Variants in CLASP1 observed in about 807,000 individuals in gnomAD.
CLASP1 encodes CLIP-associating protein 1.
In CLASP1, 38 loss-of-function variants were observed where a neutral mutation model predicts 192.3. The ratio of observed to expected loss-of-function variants is 0.20; its 90% CI spans 0.15 to 0.26. The LOEUF is 0.26. Among genes scored for constraint, CLASP1 ranks in the 10% least tolerant of loss-of-function variants. The pLI, the probability that CLASP1 is intolerant of heterozygous loss-of-function variation, is 1.00. For synonymous variants in CLASP1, 691 were observed against 712.8 expected (o/e 0.97, Z 0.49); for missense variants, 1,433 against 1,932.5 (o/e 0.74, Z 4.85).
chr2:121,616,472 C>T (rs572403810), intron 1 of CLASP1, among the ~76,000 whole-genome samples: 1 of 152,112 alleles, frequency 6.6e-6, no homozygotes, highest in African/African-American at 2.4e-5. Flanking sequence ...TAAAAATCTC[C>T]CTGGAAAACA....
intron 2 of CLASP1, among the ~76,000 whole-genome samples, chr2:121,593,298 A>G (rs1396832152): frequency 1.3e-5 from 2 of 152,148 alleles, no homozygotes; most frequent in East Asian, 1.9e-4. Flanking sequence ...AAAAATAAGG[A>G]AAGACTGACA....
chr2:121,525,357 G>T (rs1268001835), intron 6 of CLASP1, among the ~76,000 whole-genome samples: 1 of 152,116 alleles, frequency 6.6e-6, no homozygotes, highest in Admixed American at 6.5e-5. Context: ...AGTTCTTAAG[G>T]GTTCAGTTGA....
At chr2:121,515,502 CCT>C (rs2094263622) in intron 7 of CLASP1, among the ~76,000 whole-genome samples, 161 bp downstream of exon 7, 1 of 151,874 alleles carries the variant, frequency 6.6e-6, no homozygotes, top group Non-Finnish European at 1.5e-5. Flanking sequence ...GGAGCGGACC[CCT>C]GATGTATGAT....
At chr2:121,621,057 A>G (rs538924553) in intron 1 of CLASP1, among the ~76,000 whole-genome samples, 7 of 151,950 alleles carry the variant, frequency 4.6e-5, no homozygotes, top group Non-Finnish European at 7.4e-5. Context: ...GGCAAACCCT[A>G]TCTCTATAAA....
At chr2:121,598,309 G>A (rs1001251338) in intron 2 of CLASP1, among the ~76,000 whole-genome samples, 6 of 152,212 alleles carry the variant, frequency 3.9e-5, no homozygotes, top group African/African-American at 1.4e-4. Context: ...TTAGCAGTAA[G>A]CTAACAGAAT....
chr2:121,344,330 A>G (rs911058751), intron 39 of CLASP1, among the ~76,000 whole-genome samples: 2 of 145,922 alleles, frequency 1.4e-5, no homozygotes, highest in Admixed American at 6.8e-5. Flanking sequence ...TTTTTTTCTT[A>G]AAAAAAAACC....
At chr2:121,449,861 T>C (rs1381890899) in intron 16 of CLASP1, among the ~76,000 whole-genome samples, 2 of 152,166 alleles carry the variant, frequency 1.3e-5, no homozygotes, top group Non-Finnish European at 2.9e-5. Context: ...AGTAAAACCG[T>C]AACGTTGCAG....
chr2:121,634,862 A>C (rs2070499276), intron 1 of CLASP1, among the ~76,000 whole-genome samples: 1 of 152,202 alleles, frequency 6.6e-6, no homozygotes, highest in African/African-American at 2.4e-5. Context: ...GCTTCTGTCA[A>C]GCTTTTTAGA....
chr2:121,490,561 T>G (rs1307914845), intron 8 of CLASP1, among the ~76,000 whole-genome samples: 1 of 152,196 alleles, frequency 6.6e-6, no homozygotes, highest in Non-Finnish European at 1.5e-5. Flanking sequence ...TATTAAAAAT[T>G]TTTAAACCAG....
chr2:121,556,441 C>A (rs73950990), intron 2 of CLASP1, among the ~76,000 whole-genome samples: 5,765 of 152,202 alleles, frequency 0.038, 251 homozygotes, highest in South Asian at 0.1. Context: ...ATCTAGTGGT[C>A]CTGCCCGCTC....
chr2:121,523,075 G>A (rs556701897), intron 6 of CLASP1, among the ~76,000 whole-genome samples: 1 of 152,304 alleles, frequency 6.6e-6, no homozygotes, highest in Admixed American at 6.5e-5. Context: ...CCACTATAAA[G>A]GGGAAACTGA....
At chr2:121,526,422 C>G (rs963492611) in intron 5 of CLASP1, among the ~76,000 whole-genome samples, 1 of 152,224 alleles carries the variant, frequency 6.6e-6, no homozygotes, top group African/African-American at 2.4e-5. Context: ...TACTGGGGCA[C>G]ATTTGAGTTA....
exon 40 of CLASP1, chr2:121,338,279 C>T (rs112871534): frequency 0.023 from 3,531 of 152,344 alleles, 61 homozygotes; most frequent in Middle Eastern, 0.037. Flanking sequence ...GCCGCAGGTC[C>T]GGGAAGCACA....
At chr2:121,387,276 A>T (rs926790170) in intron 31 of CLASP1, 48 bp from the exon 33 acceptor site, 1 of 1,219,616 alleles carries the variant, frequency 8.2e-7, no homozygotes, top group African/African-American at 1.5e-5. Flanking sequence ...TGTATATAGA[A>T]TATATTCTAT....
intron 16 of CLASP1, 27 bp from the exon 17 acceptor site, chr2:121,449,147 C>A (rs779838209): frequency 1.9e-6 from 3 of 1,606,650 alleles, no homozygotes; most frequent in African/African-American, 2.7e-5. Context: ...AAATCCTGGT[C>A]TAATTCAAGG....
intron 2 of CLASP1, among the ~76,000 whole-genome samples, chr2:121,588,555 A>G (rs1203200113): frequency 6.6e-6 from 1 of 152,232 alleles, no homozygotes; most frequent in African/African-American, 2.4e-5. Context: ...ACAAACACAG[A>G]GACATATTAT....
At chr2:121,369,531 T>G (rs1294865417) in intron 34 of CLASP1, among the ~76,000 whole-genome samples, 1 of 152,156 alleles carries the variant, frequency 6.6e-6, no homozygotes, top group African/African-American at 2.4e-5. Flanking sequence ...TTTAAAAATT[T>G]CAGACATTTA....
intron 2 of CLASP1, among the ~76,000 whole-genome samples, chr2:121,595,413 A>G (rs1392471599): frequency 6.6e-6 from 1 of 152,230 alleles, no homozygotes; most frequent in Non-Finnish European, 1.5e-5. Context: ...ATTAGCTGTT[A>G]ATCATTAGCC....
At chr2:121,431,795 G>A (rs1411152515) in intron 19 of CLASP1, among the ~76,000 whole-genome samples, 13 of 145,180 alleles carry the variant, frequency 9.0e-5, no homozygotes, top group Admixed American at 5.5e-4. Context: ...ATAACTCTGT[G>A]GTTTTGTTTT....
Sources: gnomAD v4.1 joint callset for allele counts (sites outside exome capture counted in the v4.1 genomes callset) on GRCh38, gnomAD v4.1.1 for gene constraint, MANE v1.5 for transcripts, NCBI Gene and HGNC (gene_info 2026-07-23, HGNC 2026-07-21) for gene names.